ZNF618: variants seen among roughly 807,000 people sequenced by gnomAD.
ZNF618 encodes zinc finger protein 618.
Under a neutral mutation model 103.0 loss-of-function variants are expected in ZNF618, and 34 were observed. The ratio of observed to expected loss-of-function variants is 0.33; its 90% CI spans 0.25 to 0.44. The LOEUF (loss-of-function observed/expected upper bound fraction) is 0.44. Among genes scored for constraint, ZNF618 ranks in the 20% least tolerant of loss-of-function variants. The pLI is 1.00. For synonymous variants in ZNF618, 551 were observed against 542.2 expected (o/e 1.02, Z -0.23); for missense variants, 1,059 against 1,295.4 (o/e 0.82, Z 2.80).
chr9:113,971,539 A>C (rs1024845337), intron 2 of ZNF618, among the ~76,000 whole-genome samples: 28 of 152,120 alleles, frequency 1.8e-4, no homozygotes, highest in Admixed American at 4.6e-4. Context: ...CATGGCAGGC[A>C]CTGTTCGAAG....
At chr9:113,984,666 A>C (rs1261980705) in intron 2 of ZNF618, among the ~76,000 whole-genome samples, 2 of 152,198 alleles carry the variant, frequency 1.3e-5, no homozygotes, top group Non-Finnish European at 1.5e-5. Context: ...GCTGTGAAGA[A>C]AGCCGAGGTA....
intron 10 of ZNF618, among the ~76,000 whole-genome samples, chr9:114,018,532 C>T (rs1842823210): frequency 6.6e-6 from 1 of 152,214 alleles, no homozygotes; most frequent in African/African-American, 2.4e-5. Context: ...TTGAGTAAGG[C>T]CATGGAGTTA....
intron 7 of ZNF618, 68 bp from the exon 8 acceptor site, chr9:114,008,276 G>A: frequency 6.2e-7 from 1 of 1,601,620 alleles, no homozygotes; most frequent in South Asian, 1.1e-5. Flanking sequence ...GGCAGCTCTG[G>A]GCAGGGACTA....
chr9:113,939,940 C>T (rs1275479900), intron 1 of ZNF618, among the ~76,000 whole-genome samples: 8 of 151,838 alleles, frequency 5.3e-5, no homozygotes, highest in African/African-American at 9.7e-5. Flanking sequence ...TCAAGTGTTT[C>T]GTTTTCTATT....
chr9:114,046,845 T>C (rs1231146269), intron 13 of ZNF618, among the ~76,000 whole-genome samples: 1 of 152,252 alleles, frequency 6.6e-6, no homozygotes, highest in Non-Finnish European at 1.5e-5. Flanking sequence ...TTACATTTAT[T>C]TGTGTATGTT....
chr9:113,876,949 A>T (rs1385806612), intron 1 of ZNF618, among the ~76,000 whole-genome samples: 1 of 151,560 alleles, frequency 6.6e-6, no homozygotes, highest in Non-Finnish European at 1.5e-5. Flanking sequence ...TTTCCCATTA[A>T]AACGACGCCA....
In ZNF618 at chr9:113,954,094, G is replaced by A. The variant is rs113284294; in HGVS notation, c.34-15023G>A. On this transcript the variant is annotated intron_variant, in intron 1 of 14. Coordinates refer to ENST00000374126, the MANE Select transcript of ZNF618 (RefSeq NM_001318042.2). ...AAGAGGTTCTGGGGGTTGAGTCTAT[G>A]TGGGGTAGGAATGCATTTGCCTTTT... Among the ~76,000 whole-genome samples the A allele has an allele frequency of 7.0e-3, 1,059 of 152,214 alleles. 14 individuals carry two copies. The highest frequency in any genetic ancestry group is 0.024 in the African/African-American group (990 of 41,518).
At chr9:113,917,568 T>C (rs1335361862) in intron 1 of ZNF618, among the ~76,000 whole-genome samples, 1 of 152,106 alleles carries the variant, frequency 6.6e-6, no homozygotes, top group East Asian at 1.9e-4. Flanking sequence ...TTCTCTTAAG[T>C]ACTGTTTAAA....
At chr9:113,903,809 C>T (rs929279966) in intron 1 of ZNF618, among the ~76,000 whole-genome samples, 2 of 151,794 alleles carry the variant, frequency 1.3e-5, no homozygotes, top group African/African-American at 4.8e-5. Flanking sequence ...ATTCTTTGTT[C>T]CTCTGTGTGT....
At chr9:114,004,454 TCTTTC>T (rs1259097463) in intron 6 of ZNF618, among the ~76,000 whole-genome samples, 1 of 152,226 alleles carries the variant, frequency 6.6e-6, no homozygotes, top group Non-Finnish European at 1.5e-5. Flanking sequence ...TCCCTATTTA[TCTTTC>T]CTTCCTCAGC....
At chr9:113,946,580 C>T (rs561104118) in intron 1 of ZNF618, among the ~76,000 whole-genome samples, 50 of 152,230 alleles carry the variant, frequency 3.3e-4, no homozygotes, top group Admixed American at 1.5e-3. Context: ...GGAAGGGACT[C>T]GGCCCTGACC....
At chr9:113,953,497 CGT>C (rs1564210859) in intron 1 of ZNF618, among the ~76,000 whole-genome samples, 1 of 152,170 alleles carries the variant, frequency 6.6e-6, no homozygotes, top group Non-Finnish European at 1.5e-5. Flanking sequence ...ATATTGTATA[CGT>C]GCATGTGGTA....
intron 11 of ZNF618, 86 bp from the exon 12 acceptor site, chr9:114,032,559 T>TGA: frequency 7.9e-7 from 1 of 1,264,274 alleles, no homozygotes; most frequent in Non-Finnish European, 1.2e-6. Flanking sequence ...GCAGAGTCCT[T>TGA]GGCCTTCACC....
Position 113,876,398 on chromosome 9 carries a change from C to T in ZNF618, c.18C>T (p.Gly6=). The T allele has an allele frequency of 8.3e-7, 1 of 1,198,904 alleles. No homozygotes were observed. Among genetic ancestry groups the T allele is most frequent in the South Asian group, 4.2e-5 (1 of 24,074 alleles). The allele number at this position is 1,198,904 out of a possible 1,614,324, so 74.3% of individuals were successfully genotyped here. A position where few individuals can be genotyped will look rare whatever the true frequency, so the allele number is the denominator to read the frequency against. Residue 6 remains glycine, a synonymous_variant, in exon 1 of 15, where the codon GGC becomes GGT. Coordinates refer to ENST00000374126, the MANE Select transcript of ZNF618 (RefSeq NM_001318042.2). Reference sequence around the variant, plus strand: ...ACGGACCCATGAACCAGCCGGGCGGCGCGGCGGCTCCGCAGGTACGACGGG... The same window carrying T: ...ACGGACCCATGAACCAGCCGGGCGGTGCGGCGGCTCCGCAGGTACGACGGG... MNQPG[G]AAAPQADGAS...
chr9:114,049,268 C>T lies in ZNF618; in HGVS notation c.1966C>T (p.Arg656Cys), dbSNP rs1444944114. The change falls in exon 15 of 15, where the codon CGC becomes TGC. Residue 656 changes from arginine (R) to cysteine (C), a missense_variant. Arg to Cys is a radical substitution (Grantham distance 180). This residue lies in a region of ZNF618 where 272 missense variants were observed against 380.1 expected (regional missense o/e 0.72). Transcript: ENST00000374126. Reference sequence around the variant, plus strand: ...GCTGAGCAAGCGGACACTGCAGGCCCGCAGCATGCACGAGGTCATCGAGCT... The same window carrying T: ...GCTGAGCAAGCGGACACTGCAGGCCTGCAGCATGCACGAGGTCATCGAGCT... ...SVLSKRTLQARSMHEVIELLN... is the reference protein window; with the variant it reads ...SVLSKRTLQACSMHEVIELLN... 2 of 1,612,674 alleles carry T rather than the reference C, an allele frequency of 1.2e-6. No individual in the cohort carries two copies. Among genetic ancestry groups the T allele is most frequent in the Non-Finnish European group, 8.5e-7 (1 of 1,179,686 alleles).
chr9:113,939,887 C>T (rs1834396070), intron 1 of ZNF618, among the ~76,000 whole-genome samples: 1 of 151,794 alleles, frequency 6.6e-6, no homozygotes, highest in African/African-American at 2.4e-5. Flanking sequence ...TGGGATTAGC[C>T]ATTTTATCAG....
intron 2 of ZNF618, among the ~76,000 whole-genome samples, chr9:113,984,376 G>A (rs1185592453): frequency 6.6e-6 from 1 of 152,204 alleles, no homozygotes. Context: ...TCATGGAAAT[G>A]CACTCTGTGC....
rs1234634331 is a variant in ZNF618 at position 114,016,695 on chromosome 9, A to C, written c.755A>C (p.Lys252Thr). The C allele has an allele frequency of 6.2e-7, 1 of 1,613,490 alleles. No individual in the cohort carries two copies. The highest frequency in any genetic ancestry group is 1.3e-5 in the African/African-American group (1 of 74,868). Residue 252 changes from lysine (K) to threonine (T), a missense_variant and splice_region_variant, in exon 10 of 15, where the codon AAA (lysine) becomes ACA (threonine). Coordinates refer to ENST00000374126, the MANE Select transcript of ZNF618 (RefSeq NM_001318042.2). The part of the protein sequence containing the change: ...PPEPFQKIGP[K>T]TGNYTCEFCG... ...ACACCTTCGTTTCCTTCCTGGACAG[A>C]AACTGGCAATTACACCTGTGAATTC...
At chr9:114,027,571 C>T (rs1843623740) in intron 10 of ZNF618, among the ~76,000 whole-genome samples, 1 of 152,252 alleles carries the variant, frequency 6.6e-6, no homozygotes, top group African/African-American at 2.4e-5. Flanking sequence ...GGACAAGGCC[C>T]TGCATCCTGC....
Sources: gnomAD v4.1 joint callset for allele counts (sites outside exome capture counted in the v4.1 genomes callset) on GRCh38, gnomAD v4.1.1 for gene constraint, gnomAD v4.1.1 regional missense constraint, MANE v1.5 for transcripts, NCBI Gene and HGNC (gene_info 2026-07-23, HGNC 2026-07-21) for gene names.